The following CNTN4 variants were observed in gnomAD, a reference collection of about 807,000 sequenced individuals.
CNTN4 encodes contactin 4.
CNTN4 carries 77 observed loss-of-function variants against 122.5 expected under a neutral mutation model. That is an observed-to-expected ratio of 0.63 (90% confidence interval 0.52 to 0.76). The LOEUF is 0.76. Ranked by LOEUF, CNTN4 falls within the 30% of genes least tolerant of loss-of-function variation. CNTN4 has a pLI of 0.00. For missense variants in CNTN4, 1,256 were observed against 1,259.1 expected, an observed-to-expected ratio of 1.00 and a Z score of 0.04; for synonymous variants, 512 against 447.0, an observed-to-expected ratio of 1.15 and a Z score of -1.83.
intron 6 of CNTN4, among the ~76,000 whole-genome samples, chr3:2,812,497 T>A (rs770166232): frequency 1.3e-5 from 2 of 152,228 alleles, no homozygotes; most frequent in African/African-American, 2.4e-5. Flanking sequence ...CAATCTTGAC[T>A]TGAAAGCATA....
intron 3 of CNTN4, among the ~76,000 whole-genome samples, chr3:2,443,856 CA>C (rs770618457): frequency 2.0e-5 from 3 of 152,016 alleles, no homozygotes; most frequent in Non-Finnish European, 4.4e-5. Flanking sequence ...CTTTACTATC[CA>C]GCTGATTTTG....
chr3:2,672,563 G>A (rs1054273841), intron 4 of CNTN4, among the ~76,000 whole-genome samples: 3 of 152,276 alleles, frequency 2.0e-5, no homozygotes, highest in East Asian at 1.9e-4. Context: ...TGCACTTCCC[G>A]GGTGAGGCAA....
intron 3 of CNTN4, among the ~76,000 whole-genome samples, chr3:2,545,149 A>G (rs2078191293): frequency 6.6e-6 from 1 of 152,094 alleles, no homozygotes; most frequent in African/African-American, 2.4e-5. Context: ...TTTTAAGAGC[A>G]TGTTGTTTAA....
chr3:2,917,050 G>A lies in CNTN4; in HGVS notation c.1208-8579G>A, dbSNP rs1346756840. On this transcript the variant is annotated intron_variant, in intron 12 of 24. Coordinates refer to ENST00000418658, the MANE Select transcript of CNTN4 (RefSeq NM_175607.3). ...TGAACCAGACTCCGTCTGCCATCCCGGCACCTCGGGAGGCCGAGGCTGGCG... is the reference window on the plus strand; with the variant it reads ...TGAACCAGACTCCGTCTGCCATCCCAGCACCTCGGGAGGCCGAGGCTGGCG... 4.8e-5 allele frequency among the ~76,000 whole-genome samples: 6 copies of A among 125,886 alleles called. 2 individuals are homozygous for A. Among genetic ancestry groups the A allele is most frequent in the Non-Finnish European group, 1.0e-4 (6 of 58,688 alleles). The allele number at this position is 125,886 out of a possible 152,430, so 82.6% of individuals were successfully genotyped here. A position where few individuals can be genotyped will look rare whatever the true frequency, so the allele number is the denominator to read the frequency against.
At chr3:2,496,486 T>C (rs1433606079) in intron 3 of CNTN4, among the ~76,000 whole-genome samples, 1 of 152,170 alleles carries the variant, frequency 6.6e-6, no homozygotes, top group African/African-American at 2.4e-5. Flanking sequence ...GACATAGATT[T>C]GTTGACCAGT....
intron 9 of CNTN4, among the ~76,000 whole-genome samples, 154 bp from the exon 10 acceptor site, chr3:2,886,886 G>C (rs900449807): frequency 6.6e-6 from 1 of 152,176 alleles, no homozygotes; most frequent in Non-Finnish European, 1.5e-5. Flanking sequence ...TAGAGATGTG[G>C]ATATGATTAA....
At chr3:2,404,030 A>T (rs1161862082) in intron 3 of CNTN4, among the ~76,000 whole-genome samples, 2 of 152,146 alleles carry the variant, frequency 1.3e-5, no homozygotes, top group Non-Finnish European at 2.9e-5. Context: ...GATTTCTATT[A>T]TCTATCCACA....
intron 7 of CNTN4, among the ~76,000 whole-genome samples, chr3:2,842,235 C>G (rs1375312196): frequency 6.6e-6 from 1 of 152,142 alleles, no homozygotes; most frequent in Non-Finnish European, 1.5e-5. Context: ...GAAACAGATG[C>G]TGCAATAATC....
At chr3:2,322,503 G>C (rs2043307090) in intron 2 of CNTN4, among the ~76,000 whole-genome samples, 1 of 152,008 alleles carries the variant, frequency 6.6e-6, no homozygotes, top group Non-Finnish European at 1.5e-5. Flanking sequence ...AATTCAGCAA[G>C]ACAGAAGGCA....
At chr3:2,428,589 C>G (rs2047936328) in intron 3 of CNTN4, among the ~76,000 whole-genome samples, 1 of 152,100 alleles carries the variant, frequency 6.6e-6, no homozygotes, top group African/African-American at 2.4e-5. Flanking sequence ...TTGTTGCATT[C>G]TCTGTATTTC....
At chr3:2,649,536 G>A (rs1467825297) in intron 4 of CNTN4, among the ~76,000 whole-genome samples, 1 of 152,148 alleles carries the variant, frequency 6.6e-6, no homozygotes, top group African/African-American at 2.4e-5. Context: ...TCTGCCCACT[G>A]TTGAGACCTA....
At chr3:3,006,758 G>C (rs1696692703) in intron 14 of CNTN4, among the ~76,000 whole-genome samples, 1 of 152,130 alleles carries the variant, frequency 6.6e-6, no homozygotes, top group South Asian at 2.1e-4. Context: ...GACGTTCTTA[G>C]CAGCTCTATA....
intron 6 of CNTN4, among the ~76,000 whole-genome samples, chr3:2,762,701 A>T (rs771832475): frequency 3.9e-5 from 6 of 152,178 alleles, no homozygotes; most frequent in Non-Finnish European, 4.4e-5. Flanking sequence ...CAGTAATGGG[A>T]ATGCTGGGTC....
At chr3:2,397,422 A>G (rs2046680223) in intron 3 of CNTN4, among the ~76,000 whole-genome samples, 1 of 152,098 alleles carries the variant, frequency 6.6e-6, no homozygotes, top group Non-Finnish European at 1.5e-5. Flanking sequence ...AATGTTCTGA[A>G]GAAAAAAATT....
intron 2 of CNTN4, among the ~76,000 whole-genome samples, chr3:2,246,533 T>C (rs1338926650): frequency 6.6e-6 from 1 of 152,062 alleles, no homozygotes; most frequent in Non-Finnish European, 1.5e-5. Flanking sequence ...GGCACATCTT[T>C]AACTCGGGAA....
chr3:2,708,727 T>TCTCACACACACACACA (rs1214979217), intron 4 of CNTN4, among the ~76,000 whole-genome samples: 6 of 150,894 alleles, frequency 4.0e-5, no homozygotes, highest in African/African-American at 1.5e-4. Context: ...CACGCGCGCA[T>TCTCACACACACACACA]CACACACACA....
intron 3 of CNTN4, among the ~76,000 whole-genome samples, chr3:2,566,168 TAGAG>T (rs1245456278): frequency 7.9e-5 from 12 of 152,276 alleles, no homozygotes; most frequent in Non-Finnish European, 8.8e-5. Context: ...AAAGCCAAGT[TAGAG>T]AGAAAGGAGT....
intron 4 of CNTN4, among the ~76,000 whole-genome samples, chr3:2,592,125 C>T (rs2080524521): frequency 6.6e-6 from 1 of 152,200 alleles, no homozygotes; most frequent in Non-Finnish European, 1.5e-5. Flanking sequence ...GAGCAGTCCT[C>T]CCTCCCCAGC....
chr3:2,812,307 G>A (rs1165136742), intron 6 of CNTN4, among the ~76,000 whole-genome samples: 1 of 152,184 alleles, frequency 6.6e-6, no homozygotes, highest in Non-Finnish European at 1.5e-5. Flanking sequence ...CAATTTTACT[G>A]TTGTATAGAA....
Sources: gnomAD v4.1 joint callset for allele counts (sites outside exome capture counted in the v4.1 genomes callset) on GRCh38, gnomAD v4.1.1 for gene constraint, MANE v1.5 for transcripts, NCBI Gene and HGNC (gene_info 2026-07-23, HGNC 2026-07-21) for gene names.